WWOX: variants seen among roughly 807,000 people sequenced by gnomAD.
The protein encoded by WWOX is WW domain-containing oxidoreductase.
WWOX carries 69 observed loss-of-function variants against 46.2 expected under a neutral mutation model. That is an observed-to-expected ratio of 1.49 (90% CI 1.23 to 1.82). The LOEUF is 1.82. Ranked by LOEUF, WWOX falls within the 40% of genes most tolerant of loss-of-function variation. WWOX has a pLI of 0.00. For missense variants in WWOX, 919 were observed against 542.6 expected, an observed-to-expected ratio of 1.69 and a Z score of -6.89; for synonymous variants, 359 against 202.6, an observed-to-expected ratio of 1.77 and a Z score of -6.56.
intron 8 of WWOX, among the ~76,000 whole-genome samples, chr16:78,485,300 G>T (rs1359948528): frequency 6.6e-6 from 1 of 152,076 alleles, no homozygotes. Flanking sequence ...CATTGAAAAT[G>T]ATCTTTTGGG....
intron 8 of WWOX, among the ~76,000 whole-genome samples, chr16:78,823,535 G>A (rs571188289): frequency 1.3e-5 from 2 of 152,282 alleles, no homozygotes; most frequent in African/African-American, 4.8e-5. Context: ...ATCGCATATA[G>A]CATTCTAAAG....
At chr16:78,884,624 A>G (rs556247898) in intron 8 of WWOX, among the ~76,000 whole-genome samples, 176 of 152,286 alleles carry the variant, frequency 1.2e-3, no homozygotes, top group African/African-American at 4.0e-3. Flanking sequence ...TATAGTTACA[A>G]TGAGTTGACT....
rs186514151 is a variant in WWOX, at chr16:79,172,100, A to G, written c.1057-39508A>G. On this transcript the variant is annotated intron_variant, in intron 8 of 8. Coordinates refer to ENST00000566780, the MANE Select transcript of WWOX (RefSeq NM_016373.4). ...TAGCACGTGACTGTCCTCTGTCACC[A>G]TGTAGCAGGTGGAGGCCAGGAACTA... Among the ~76,000 whole-genome samples the G allele has an allele frequency of 1.5e-3, 224 of 152,308 alleles. 1 individual carries two copies. Among genetic ancestry groups the G allele is most frequent in the African/African-American group, 5.1e-3 (214 of 41,582 alleles).
intron 8 of WWOX, among the ~76,000 whole-genome samples, chr16:79,118,742 T>C (rs1451072142): frequency 2.6e-5 from 4 of 152,204 alleles, no homozygotes; most frequent in Non-Finnish European, 5.9e-5. Flanking sequence ...CCACGTGTTG[T>C]GTTGTGTGGT....
chr16:78,459,126 G>A (rs1178591723), intron 8 of WWOX, among the ~76,000 whole-genome samples: 2 of 152,154 alleles, frequency 1.3e-5, no homozygotes, highest in Non-Finnish European at 1.5e-5. Context: ...ATTAAATGAA[G>A]CTTCCTTTAG....
chr16:78,836,406 A>C (rs773841159), intron 8 of WWOX, among the ~76,000 whole-genome samples: 3 of 152,138 alleles, frequency 2.0e-5, no homozygotes, highest in Non-Finnish European at 4.4e-5. Context: ...CCTGGGATTG[A>C]GGTCTCCTGA....
intron 8 of WWOX, among the ~76,000 whole-genome samples, chr16:78,970,605 G>A (rs1017079124): frequency 2.0e-5 from 3 of 152,194 alleles, no homozygotes; most frequent in African/African-American, 7.2e-5. Flanking sequence ...GGAACAGTAT[G>A]AGGAAAGTCA....
chr16:78,403,503 G>A (rs1444435659), intron 6 of WWOX, among the ~76,000 whole-genome samples: 1 of 152,120 alleles, frequency 6.6e-6, no homozygotes, highest in Non-Finnish European at 1.5e-5. Context: ...TTAATTTGTA[G>A]CAATGCTAAT....
intron 8 of WWOX, among the ~76,000 whole-genome samples, chr16:79,055,354 C>A (rs1233688340): frequency 1.3e-5 from 2 of 152,176 alleles, no homozygotes. Flanking sequence ...AATTCATCTT[C>A]CCTTGTATCT....
chr16:78,831,063 T>C (rs1032358102), intron 8 of WWOX, among the ~76,000 whole-genome samples: 1 of 152,314 alleles, frequency 6.6e-6, no homozygotes, highest in Admixed American at 6.5e-5. Context: ...GAGTGAATTC[T>C]GTAAGAGAAG....
At chr16:78,945,573 T>C (rs1439222507) in intron 8 of WWOX, among the ~76,000 whole-genome samples, 3 of 152,240 alleles carry the variant, frequency 2.0e-5, no homozygotes, top group South Asian at 4.1e-4. Flanking sequence ...TTTAGTCTTT[T>C]GGTTTTTTCT....
chr16:78,978,372 G>A (rs2046614220), intron 8 of WWOX, among the ~76,000 whole-genome samples: 1 of 152,146 alleles, frequency 6.6e-6, no homozygotes, highest in African/African-American at 2.4e-5. Context: ...GAAGTGCTGG[G>A]TCACGCAGTA....
chr16:78,366,306 A>G (rs1006857456), intron 5 of WWOX, among the ~76,000 whole-genome samples: 1 of 152,236 alleles, frequency 6.6e-6, no homozygotes, highest in African/African-American at 2.4e-5. Flanking sequence ...TTACAAGGCA[A>G]AGTGTTTAGA....
At chr16:78,756,661 C>T (rs1249780208) in intron 8 of WWOX, among the ~76,000 whole-genome samples, 1 of 152,138 alleles carries the variant, frequency 6.6e-6, no homozygotes, top group Non-Finnish European at 1.5e-5. Flanking sequence ...CTTTGTTTCA[C>T]CCTGTTTGTT....
At chr16:78,470,727 C>T (rs2084201665) in intron 8 of WWOX, among the ~76,000 whole-genome samples, 1 of 152,144 alleles carries the variant, frequency 6.6e-6, no homozygotes, top group Non-Finnish European at 1.5e-5. Flanking sequence ...GGGGGTTTCA[C>T]CATGTGGGCC....
chr16:79,132,964 G>A (rs2049910770), intron 8 of WWOX, among the ~76,000 whole-genome samples: 1 of 152,170 alleles, frequency 6.6e-6, no homozygotes, highest in Non-Finnish European at 1.5e-5. Context: ...GATCTTGCCT[G>A]GGTCTGTTCT....
chr16:78,945,992 C>T (rs1412684950), intron 8 of WWOX, among the ~76,000 whole-genome samples: 1 of 152,154 alleles, frequency 6.6e-6, no homozygotes, highest in Non-Finnish European at 1.5e-5. Flanking sequence ...TCCTCACAGG[C>T]TTGCCGGGCA....
chr16:78,624,058 T>C (rs1163097749), intron 8 of WWOX, among the ~76,000 whole-genome samples: 1 of 152,192 alleles, frequency 6.6e-6, no homozygotes, highest in African/African-American at 2.4e-5. Context: ...GCACGTAGAA[T>C]TCAATATATG....
intron 8 of WWOX, among the ~76,000 whole-genome samples, chr16:78,750,900 G>C (rs183358153): frequency 9.2e-5 from 14 of 152,128 alleles, no homozygotes; most frequent in African/African-American, 3.4e-4. Context: ...ACCATTGATG[G>C]GCACTTAGGA....
Sources: gnomAD v4.1 joint callset for allele counts (sites outside exome capture counted in the v4.1 genomes callset) on GRCh38, gnomAD v4.1.1 for gene constraint, MANE v1.5 for transcripts, NCBI Gene and HGNC (gene_info 2026-07-23, HGNC 2026-07-21) for gene names.